PHF14: variants seen among roughly 807,000 people sequenced by gnomAD.
PHF14 encodes the protein PHD finger protein 14.
Under a neutral mutation model 117.9 loss-of-function variants are expected in PHF14, and 55 were observed. The ratio of observed to expected loss-of-function variants is 0.47; its 90% CI spans 0.38 to 0.58. PHF14 has a LOEUF of 0.58. Ranked by LOEUF, PHF14 falls within the 20% of genes least tolerant of loss-of-function variation. The pLI, the probability that PHF14 is intolerant of heterozygous loss-of-function variation, is 0.00. For synonymous variants in PHF14, 409 were observed against 368.6 expected, an observed-to-expected ratio of 1.11 and a Z score of -1.26; for missense variants, 978 against 1,122.2, an observed-to-expected ratio of 0.87 and a Z score of 1.84.
chr7:11,062,607 TTTTA>T, intron 16 of PHF14: 1 of 772,092 alleles, frequency 1.3e-6, no homozygotes, highest in Non-Finnish European at 1.6e-6. Flanking sequence ...CCTAGGTTGA[TTTTA>T]TTTTTTGTTT....
chr7:11,099,114 T>C (rs1210968699), intron 16 of PHF14, among the ~76,000 whole-genome samples: 1 of 152,136 alleles, frequency 6.6e-6, no homozygotes, highest in Non-Finnish European at 1.5e-5. Flanking sequence ...TTTTTCTTAT[T>C]AAGGTGGTAT....
chr7:11,012,684 T>G (rs1783393057), intron 4 of PHF14, among the ~76,000 whole-genome samples: 1 of 152,202 alleles, frequency 6.6e-6, no homozygotes, highest in Non-Finnish European at 1.5e-5. Context: ...CTTTAAGGAT[T>G]TTTATTACAT....
intron 14 of PHF14, among the ~76,000 whole-genome samples, chr7:11,054,527 T>C (rs1006440686): frequency 5.3e-5 from 8 of 152,128 alleles, no homozygotes; most frequent in Admixed American, 5.2e-4. Flanking sequence ...GATCTTACCA[T>C]TTATGCTGAG....
chr7:11,048,416 A>T (rs902164855), intron 13 of PHF14, among the ~76,000 whole-genome samples: 1 of 152,094 alleles, frequency 6.6e-6, no homozygotes, highest in African/African-American at 2.4e-5. Flanking sequence ...TACTAAAAAT[A>T]CAAAAATTAG....
chr7:11,136,500 A>C (rs1788224484), intron 17 of PHF14, among the ~76,000 whole-genome samples: 1 of 152,158 alleles, frequency 6.6e-6, no homozygotes, highest in African/African-American at 2.4e-5. Context: ...CACAAGTAAA[A>C]ACTGAATTAC....
At chr7:11,107,615 GGTTA>G (rs1404588616) in intron 16 of PHF14, 1 of 750,716 alleles carries the variant, frequency 1.3e-6, no homozygotes, top group African/African-American at 1.9e-5. Context: ...TTTCTTTACA[GGTTA>G]GTTTTGTATT....
intron 17 of PHF14, among the ~76,000 whole-genome samples, chr7:11,140,287 T>A (rs530637655): frequency 6.6e-6 from 1 of 152,266 alleles, no homozygotes; most frequent in Admixed American, 6.5e-5. Flanking sequence ...TTATCCTTAC[T>A]ATGTGCGATA....
rs10226792 is a variant in PHF14, at chr7:11,166,625, T to C, written c.2773-2791T>C. ...TTAATGTTATTTATGATAAAATCTA[T>C]TACTGTTATTTTGATAATGTTATAG... On this transcript the variant is annotated intron_variant, in intron 17 of 17. Transcript: ENST00000634607. 2.7e-3 allele frequency among the ~76,000 whole-genome samples: 407 copies of C among 152,300 alleles called. 4 individuals are homozygous for C. Among genetic ancestry groups the C allele is most frequent in the African/African-American group, 9.3e-3 (387 of 41,584 alleles).
chr7:11,167,980 C>T (rs1033540191), intron 17 of PHF14, among the ~76,000 whole-genome samples: 4 of 148,412 alleles, frequency 2.7e-5, no homozygotes, highest in Non-Finnish European at 4.4e-5. Context: ...GAGCAGAGAT[C>T]GCGCCACTGC....
chr7:11,077,648 A>AT (rs1415740413), intron 16 of PHF14, among the ~76,000 whole-genome samples: 1 of 149,770 alleles, frequency 6.7e-6, no homozygotes, highest in Non-Finnish European at 1.5e-5. Context: ...CTGTATTTGC[A>AT]TTTTGTGAGT....
intron 4 of PHF14, among the ~76,000 whole-genome samples, chr7:10,993,209 CAATT>C (rs1399006746): frequency 5.3e-5 from 8 of 151,702 alleles, no homozygotes; most frequent in South Asian, 2.1e-4. Context: ...TTTTTCTTAC[CAATT>C]AATTATTATT....
Position 11,112,720 on chromosome 7 carries a change from G to C in PHF14, c.2772+1253G>C, listed in dbSNP as rs368431765. On this transcript the variant is annotated intron_variant, in intron 17 of 17. Transcript: ENST00000634607. ...CGGGAGGCAGAGGTTGCAGTGAACC[G>C]AGATCACGCCATTGCATGCCAACCT... Among the ~76,000 whole-genome samples the C allele has an allele frequency of 2.0e-5, 3 of 151,576 alleles. No individual in the cohort carries two copies. In the South Asian group the frequency reaches 6.2e-4, roughly 31 times the overall value.
intron 17 of PHF14, among the ~76,000 whole-genome samples, chr7:11,136,901 A>G (rs1788235765): frequency 6.6e-6 from 1 of 152,194 alleles, no homozygotes; most frequent in Admixed American, 6.5e-5. Flanking sequence ...GAACTAGCAC[A>G]TGCTTATTAT....
intron 16 of PHF14, among the ~76,000 whole-genome samples, chr7:11,088,245 TA>T (rs1158986908): frequency 3.9e-5 from 6 of 152,196 alleles, no homozygotes; most frequent in African/African-American, 7.2e-5. Flanking sequence ...TGTTATACCA[TA>T]TTTTTTTTAT....
At chr7:11,090,556 A>G (rs1786604209) in intron 16 of PHF14, among the ~76,000 whole-genome samples, 1 of 151,964 alleles carries the variant, frequency 6.6e-6, no homozygotes, top group South Asian at 2.1e-4. Context: ...TTTTTAAAAG[A>G]AAGTTGAGTT....
At chr7:11,007,857 A>C (rs1345164997) in intron 4 of PHF14, among the ~76,000 whole-genome samples, 2 of 152,198 alleles carry the variant, frequency 1.3e-5, no homozygotes, top group African/African-American at 4.8e-5. Flanking sequence ...GCTAAAAGAT[A>C]GTATGCCAAA....
chr7:11,124,171 T>A (rs1787854839), intron 17 of PHF14, among the ~76,000 whole-genome samples: 2 of 152,018 alleles, frequency 1.3e-5, no homozygotes, highest in South Asian at 4.1e-4. Context: ...TGGAAAAAAA[T>A]TTTAAACATA....
intron 4 of PHF14, chr7:11,006,864 C>A (rs987779271): frequency 4.8e-6 from 3 of 620,110 alleles, no homozygotes; most frequent in Non-Finnish European, 3.0e-6. Flanking sequence ...ACTTTCGGCA[C>A]TGTCTTGTGA....
chr7:11,035,908 A>G (rs1784309238), intron 8 of PHF14, 122 bp downstream of exon 8: 2 of 726,878 alleles, frequency 2.8e-6, no homozygotes, highest in Non-Finnish European at 4.6e-6. Flanking sequence ...TACCTAGGAA[A>G]TGGATTGTGA....
Sources: allele counts gnomAD v4.1 joint callset (sites outside exome capture counted in the v4.1 genomes callset), GRCh38; gene constraint gnomAD v4.1.1; transcripts MANE v1.5; gene names NCBI Gene and HGNC (gene_info 2026-07-23, HGNC 2026-07-21).